Variants in CHRM3 observed in about 807,000 individuals in gnomAD.
CHRM3 encodes the protein cholinergic receptor muscarinic 3, also known as muscarinic acetylcholine receptor M3.
Under a neutral mutation model 41.8 loss-of-function variants are expected in CHRM3, and 11 were observed. The observed-to-expected ratio is 0.26, with a 90% CI of 0.17 to 0.44. The LOEUF is 0.44. CHRM3 is among the 20% of genes least tolerant of loss of function. The pLI is 1.00. For missense variants in CHRM3, 571 were observed against 745.4 expected (o/e 0.77, Z 2.72); for synonymous variants, 297 against 301.4 (o/e 0.99, Z 0.15).
chr1:239,904,266 G>C (rs1185245641), intron 6 of CHRM3, among the ~76,000 whole-genome samples: 1 of 152,126 alleles, frequency 6.6e-6, no homozygotes, highest in African/African-American at 2.4e-5. Flanking sequence ...CCCGGTGCTG[G>C]AAAACCAAAC....
At chr1:239,846,238 A>G (rs1674251967) in intron 6 of CHRM3, among the ~76,000 whole-genome samples, 2 of 152,336 alleles carry the variant, frequency 1.3e-5, no homozygotes, top group South Asian at 4.1e-4. Flanking sequence ...TAACTTCCAG[A>G]AAACGCTTTC....
At chr1:239,663,498 C>A (rs1673471389) in intron 4 of CHRM3, among the ~76,000 whole-genome samples, 1 of 152,196 alleles carries the variant, frequency 6.6e-6, no homozygotes, top group East Asian at 1.9e-4. Context: ...GGGATGGAGT[C>A]CTAAGAGAAA....
intron 5 of CHRM3, among the ~76,000 whole-genome samples, chr1:239,798,451 G>A (rs1219755573): frequency 3.3e-5 from 5 of 151,894 alleles, no homozygotes; most frequent in African/African-American, 4.8e-5. Context: ...CCCCTTTTTT[G>A]TTGATCCCTC....
At chr1:239,761,158 A>G (rs1419615486) in intron 5 of CHRM3, among the ~76,000 whole-genome samples, 2 of 152,114 alleles carry the variant, frequency 1.3e-5, no homozygotes, top group Non-Finnish European at 2.9e-5. Flanking sequence ...CAGCAGTTTC[A>G]AAATATGCTA....
At chr1:239,865,003 A>G (rs1278073665) in intron 6 of CHRM3, among the ~76,000 whole-genome samples, 1 of 152,220 alleles carries the variant, frequency 6.6e-6, no homozygotes, top group Admixed American at 6.5e-5. Context: ...CCATCGAGTT[A>G]TGAGCATTAC....
chr1:239,570,629 A>G (rs1172552304), intron 3 of CHRM3, among the ~76,000 whole-genome samples: 1 of 152,184 alleles, frequency 6.6e-6, no homozygotes, highest in Non-Finnish European at 1.5e-5. Context: ...CTTGCAGCTG[A>G]GCATTGATTA....
chr1:239,596,355 T>C (rs1167969008), intron 3 of CHRM3, among the ~76,000 whole-genome samples: 1 of 152,120 alleles, frequency 6.6e-6, no homozygotes, highest in Non-Finnish European at 1.5e-5. Context: ...TATTTAATTT[T>C]TTTTTAAGTG....
chr1:239,779,596 A>G (rs1242531703), intron 5 of CHRM3, among the ~76,000 whole-genome samples: 1 of 152,200 alleles, frequency 6.6e-6, no homozygotes, highest in African/African-American at 2.4e-5. Context: ...TTAGCCAGGC[A>G]TGGTGGCACA....
intron 1 of CHRM3, among the ~76,000 whole-genome samples, chr1:239,469,709 A>G (rs1212815173): frequency 6.6e-6 from 1 of 152,098 alleles, no homozygotes; most frequent in African/African-American, 2.4e-5. Context: ...GGCACCCACC[A>G]TCACGCCCAG....
At chr1:239,763,375 A>G (rs1666953193) in intron 5 of CHRM3, among the ~76,000 whole-genome samples, 1 of 152,246 alleles carries the variant, frequency 6.6e-6, no homozygotes, top group South Asian at 2.1e-4. Context: ...TGTCTCATGA[A>G]TATATAATAT....
intron 5 of CHRM3, among the ~76,000 whole-genome samples, chr1:239,766,139 A>G (rs1667186670): frequency 6.6e-6 from 1 of 152,142 alleles, no homozygotes; most frequent in East Asian, 1.9e-4. Context: ...CTTAATAAAA[A>G]TAAGTGCCAG....
intron 2 of CHRM3, among the ~76,000 whole-genome samples, chr1:239,494,946 C>A (rs1407905802): frequency 6.6e-6 from 1 of 152,136 alleles, no homozygotes; most frequent in Non-Finnish European, 1.5e-5. Flanking sequence ...TCTGGAGAAT[C>A]ATTCTTCCAT....
chr1:239,728,290 G>T (rs1203121461), intron 5 of CHRM3, among the ~76,000 whole-genome samples: 1 of 151,942 alleles, frequency 6.6e-6, no homozygotes, highest in Admixed American at 6.6e-5. Flanking sequence ...ATGAGATTAG[G>T]ATATAACAGA....
intron 5 of CHRM3, chr1:239,826,889 G>A (rs760333472): frequency 1.3e-5 from 2 of 152,130 alleles, no homozygotes; most frequent in Non-Finnish European, 2.9e-5. Flanking sequence ...CTGGCCTGTG[G>A]TGGAACTCAC....
At chr1:239,530,846 A>C (rs2148327715) in intron 2 of CHRM3, among the ~76,000 whole-genome samples, 1 of 152,338 alleles carries the variant, frequency 6.6e-6, no homozygotes, top group South Asian at 2.1e-4. Flanking sequence ...GGTCTAAACA[A>C]CATCAAGCAT....
At chr1:239,761,989 G>A (rs373843414) in intron 5 of CHRM3, among the ~76,000 whole-genome samples, 15 of 152,216 alleles carry the variant, frequency 9.9e-5, no homozygotes, top group South Asian at 2.1e-4. Context: ...GCTCTCTCCC[G>A]GGAGTAGACT....
chr1:239,599,831 A>G (rs1558358022), intron 3 of CHRM3, among the ~76,000 whole-genome samples: 1 of 152,122 alleles, frequency 6.6e-6, no homozygotes, highest in Non-Finnish European at 1.5e-5. Flanking sequence ...AAAGTGAAAA[A>G]CAGAATGGTT....
chr1:239,469,409 C>G lies in CHRM3; in HGVS notation c.-520-23300C>G, dbSNP rs149248087. On this transcript the variant is annotated intron_variant, in intron 1 of 6. Transcript: ENST00000676153. ...ATCTTGGTATCCTCAGTACCTGGCA[C>G]GTAGAAGGTTTTTTAACAAATGCAC... 7.7e-3 allele frequency among the ~76,000 whole-genome samples: 1,172 copies of G among 152,240 alleles called. 10 individuals carry two copies. The highest frequency in any genetic ancestry group is 0.051 in the Middle Eastern group (15 of 294).
At chr1:239,520,517 C>T (rs1188774744) in intron 2 of CHRM3, among the ~76,000 whole-genome samples, 1 of 152,134 alleles carries the variant, frequency 6.6e-6, no homozygotes, top group African/African-American at 2.4e-5. Flanking sequence ...GCTTCACCCT[C>T]CACCATGACT....
Sources: gnomAD v4.1 joint callset for allele counts (sites outside exome capture counted in the v4.1 genomes callset) on GRCh38, gnomAD v4.1.1 for gene constraint, MANE v1.5 for transcripts, NCBI Gene and HGNC (gene_info 2026-07-23, HGNC 2026-07-21) for gene names.